SAMD5: variants seen among roughly 807,000 people sequenced by gnomAD.
SAMD5 encodes sterile alpha motif domain-containing protein 5.
In SAMD5, 13 loss-of-function variants were observed where a neutral mutation model predicts 11.3. The observed-to-expected ratio is 1.15, with a 90% confidence interval of 0.75 to 1.83. The LOEUF (loss-of-function observed/expected upper bound fraction) is 1.83, where lower values mean the gene tolerates loss of function less well. Among genes scored for constraint, SAMD5 ranks in the 40% most tolerant of loss-of-function variants. The pLI is 0.00. For missense variants in SAMD5, 255 were observed against 239.1 expected (o/e 1.07, Z -0.44); for synonymous variants, 129 against 111.3 (o/e 1.16, Z -1.00).
chr6:147,643,728 A>AGG (rs1273720665), intron 1 of SAMD5, among the ~76,000 whole-genome samples: 3 of 132,722 alleles, frequency 2.3e-5, no homozygotes. Context: ...AGAGGGAAAG[A>AGG]GAAAGAGGGA....
the SAMD5 span, among the ~76,000 whole-genome samples, chr6:147,779,867 G>A: frequency 6.6e-6 from 1 of 152,302 alleles, no homozygotes; most frequent in Non-Finnish European, 1.5e-5. Flanking sequence ...AGGAATATAA[G>A]GCTCTCAGCA....
the SAMD5 span, among the ~76,000 whole-genome samples, chr6:147,749,882 A>G: frequency 3.9e-5 from 6 of 152,372 alleles, no homozygotes; most frequent in Middle Eastern, 6.8e-3. Flanking sequence ...ATACATAAAA[A>G]GCAATGAAAT....
the SAMD5 span, among the ~76,000 whole-genome samples, chr6:147,789,467 T>C: frequency 6.6e-6 from 1 of 152,194 alleles, no homozygotes; most frequent in South Asian, 2.1e-4. Flanking sequence ...GAGGATGATA[T>C]GTAAAGTAAG....
At chr6:147,684,711 T>A (rs553739167) in intron 1 of SAMD5, among the ~76,000 whole-genome samples, 3 of 152,328 alleles carry the variant, frequency 2.0e-5, no homozygotes, top group Admixed American at 1.3e-4. Context: ...AAATTGAACA[T>A]CTTTTTCCTA....
intron 1 of SAMD5, among the ~76,000 whole-genome samples, chr6:147,664,807 A>G (rs1014940792): frequency 3.3e-5 from 5 of 152,160 alleles, no homozygotes; most frequent in African/African-American, 1.2e-4. Flanking sequence ...TAGAAAAAAA[A>G]ATTCTAAAAC....
chr6:147,521,762 T>C (rs1788258604), intron 1 of SAMD5, among the ~76,000 whole-genome samples: 1 of 152,122 alleles, frequency 6.6e-6, no homozygotes, highest in Non-Finnish European at 1.5e-5. Context: ...TGGTTCTCAA[T>C]GTGAAGACCT....
At chr6:147,818,138 T>A in the SAMD5 span, among the ~76,000 whole-genome samples, 19 of 152,204 alleles carry the variant, frequency 1.2e-4, no homozygotes, top group South Asian at 3.9e-3. Flanking sequence ...CTCATACACC[T>A]TCAATGGAAC....
chr6:147,923,386 G>A, the SAMD5 span, among the ~76,000 whole-genome samples: 2 of 152,118 alleles, frequency 1.3e-5, no homozygotes, highest in African/African-American at 4.8e-5. Context: ...GCAATGATGG[G>A]CTTGTCAATA....
the SAMD5 span, among the ~76,000 whole-genome samples, chr6:147,902,453 A>G: frequency 1.3e-5 from 2 of 152,050 alleles, no homozygotes; most frequent in African/African-American, 4.8e-5. Flanking sequence ...AATGAAATAG[A>G]ATTAACCTTA....
At chr6:147,556,982 T>A (rs1237637997) in intron 1 of SAMD5, among the ~76,000 whole-genome samples, 2 of 152,228 alleles carry the variant, frequency 1.3e-5, no homozygotes, top group African/African-American at 2.4e-5. Context: ...ACAGTAGTTC[T>A]GTATGTTGAC....
chr6:147,726,293 A>G (rs998438112), intron 1 of SAMD5, among the ~76,000 whole-genome samples: 1 of 152,230 alleles, frequency 6.6e-6, no homozygotes, highest in Non-Finnish European at 1.5e-5. Context: ...TGGAGAATAT[A>G]GGGAATATTT....
the SAMD5 span, among the ~76,000 whole-genome samples, chr6:147,878,334 G>A: frequency 2.6e-5 from 4 of 151,676 alleles, no homozygotes; most frequent in African/African-American, 7.3e-5. Context: ...TATAAGGACT[G>A]CGTTTCTGCT....
chr6:147,908,896 G>C, the SAMD5 span, among the ~76,000 whole-genome samples: 1 of 152,124 alleles, frequency 6.6e-6, no homozygotes, highest in African/African-American at 2.4e-5. Flanking sequence ...GGCTAAGCCT[G>C]AGATAGGCAT....
At chr6:147,586,084 A>C (rs1158439338) in intron 1 of SAMD5, among the ~76,000 whole-genome samples, 1 of 152,170 alleles carries the variant, frequency 6.6e-6, no homozygotes, top group Non-Finnish European at 1.5e-5. Context: ...GTAGGGCGCC[A>C]TGATTAATTA....
At chr6:147,909,632 C>A in the SAMD5 span, among the ~76,000 whole-genome samples, 1 of 61,160 alleles carries the variant, frequency 1.6e-5, no homozygotes, top group Admixed American at 1.8e-4. Context: ...TTCTTTCTTT[C>A]TCTTTCTTGT....
At chr6:147,694,337 C>G (rs1791145400) in intron 1 of SAMD5, among the ~76,000 whole-genome samples, 1 of 152,134 alleles carries the variant, frequency 6.6e-6, no homozygotes, top group African/African-American at 2.4e-5. Flanking sequence ...CAAGTGATTT[C>G]CTTGTGAAGT....
At chr6:147,946,817 A>G in the SAMD5 span, among the ~76,000 whole-genome samples, 1 of 152,258 alleles carries the variant, frequency 6.6e-6, no homozygotes, top group Non-Finnish European at 1.5e-5. Flanking sequence ...CTGAAATTAG[A>G]AAGTTTATAC....
the SAMD5 span, among the ~76,000 whole-genome samples, chr6:147,930,157 G>T: frequency 6.6e-6 from 1 of 152,168 alleles, no homozygotes; most frequent in Non-Finnish European, 1.5e-5. Flanking sequence ...GCTATGCCTA[G>T]TAAGAGCAAC....
At chr6:147,562,119 G>A (rs577812037) in intron 1 of SAMD5, among the ~76,000 whole-genome samples, 2 of 152,334 alleles carry the variant, frequency 1.3e-5, no homozygotes, top group African/African-American at 2.4e-5. Flanking sequence ...TTTGTGAAAT[G>A]ACTTCATAGT....
Sources: allele counts gnomAD v4.1 joint callset (sites outside exome capture counted in the v4.1 genomes callset), GRCh38; gene constraint gnomAD v4.1.1; transcripts MANE v1.5; gene names NCBI Gene and HGNC (gene_info 2026-07-23, HGNC 2026-07-21).